The following RHOT2 variants were observed in gnomAD, a reference collection of about 807,000 sequenced individuals.
The protein encoded by RHOT2 is mitochondrial Rho GTPase 2.
RHOT2 carries 90 observed loss-of-function variants against 81.6 expected under a neutral mutation model. That is an observed-to-expected ratio of 1.10 (90% CI 0.93 to 1.31). The LOEUF (loss-of-function observed/expected upper bound fraction) is 1.31, where lower values mean the gene tolerates loss of function less well. Among genes scored for constraint, RHOT2 ranks in the 40% most tolerant of loss-of-function variants. The probability of loss-of-function intolerance (pLI) is 0.00; values close to 1 mark genes in which losing one functional copy is unlikely to be tolerated. For missense variants in RHOT2, 1,014 were observed against 841.9 expected (o/e 1.20, Z -2.53); for synonymous variants, 512 against 370.9 (o/e 1.38, Z -4.37).
intron 5 of RHOT2, chr16:669,853 C>A: frequency 1.6e-6 from 1 of 612,472 alleles, no homozygotes; most frequent in Non-Finnish European, 2.9e-6. Flanking sequence ...TCCAAACCCC[C>A]GGGGGGGGAC....
Position 670,782 on chromosome 16 carries a change from C to T in RHOT2, c.639+9C>T, listed in dbSNP as rs1567243766. 1.2e-6 allele frequency: 2 copies of T among 1,611,206 alleles called. No homozygotes were observed. Among genetic ancestry groups the T allele is most frequent in the African/African-American group, 1.3e-5 (1 of 75,062 alleles). On this transcript the variant is annotated intron_variant, in intron 9 of 18. Transcript: ENST00000315082. ...AGCTCAACGCTTTCCAGGTGTGCCC[C>T]TGCCCCACCCTCGGTGCCCAGCCCC...
chr16:669,031 A>G, intron 4 of RHOT2: 2 of 434,010 alleles, frequency 4.6e-6, no homozygotes, highest in Non-Finnish European at 8.2e-6. Context: ...GCCTCCGGGC[A>G]CCCGGAGCTC....
rs1024298416 is a variant in RHOT2, at chr16:671,934, C to T, written c.1029C>T (p.Pro343=). Residue 343 remains proline (P), a synonymous_variant, in exon 13 of 19, where the codon CCC becomes CCT. Coordinates refer to ENST00000315082, the MANE Select transcript of RHOT2 (RefSeq NM_138769.3). ...FSVFPAAPWG[P]ELPRTVRTEA... is the part of the protein sequence containing the mutation. ...TGTTCCCAGCAGCGCCCTGGGGCCC[C>T]GAGCTCCCACGCACAGTCCGCACAG... 3.7e-6 allele frequency: 6 copies of T among 1,612,206 alleles called. No homozygotes were observed. Among genetic ancestry groups the T allele is most frequent in the South Asian group, 2.2e-5 (2 of 91,058 alleles).
At chr16:669,777 T>A in intron 5 of RHOT2, 171 bp downstream of exon 5, 2 of 692,368 alleles carry the variant, frequency 2.9e-6, no homozygotes, top group Non-Finnish European at 2.5e-6. Flanking sequence ...CCACTTCCCC[T>A]GAGAGGGTCT....
rs73487487 is a variant in RHOT2 at position 672,688 on chromosome 16, C to T, written c.1405-15C>T. 5,602 of 1,611,852 alleles carry T rather than the reference C, an allele frequency of 3.5e-3. 154 individuals are homozygous for T. The African/African-American group carries it at 0.062, about 18-fold the overall frequency. On this transcript the variant is annotated splice_polypyrimidine_tract_variant and intron_variant, in intron 16 of 18. Coordinates refer to ENST00000315082, the MANE Select transcript of RHOT2 (RefSeq NM_138769.3). ...GAGCCCCAGGGACCCTTCCTAAGGC[C>T]GCTGTCTGTCCCAGCTCTGTGAGGT...
At chr16:671,668 G>A (rs1400495009) in intron 11 of RHOT2, 29 bp from the exon 12 acceptor site, 2 of 1,603,990 alleles carry the variant, frequency 1.2e-6, no homozygotes, top group East Asian at 2.2e-5. Flanking sequence ...AGTCTCCTGG[G>A]AGCTAGACGG....
chr16:669,855 G>A (rs1020880689), intron 5 of RHOT2: 4 of 617,126 alleles, frequency 6.5e-6, no homozygotes, highest in Admixed American at 2.9e-5. Context: ...CAAACCCCCG[G>A]GGGGGGACCC....
chr16:668,609 TCCGGCGGGCCTGCTGGGTCCGCAGTGGA>T lies in RHOT2; in HGVS notation c.178+41_179-19del. The T allele has an allele frequency of 3.1e-6, 5 of 1,608,650 alleles. No individual in the cohort carries two copies. Among genetic ancestry groups the T allele is most frequent in the Non-Finnish European group, 4.2e-6 (5 of 1,178,200 alleles). Reference sequence around the variant, plus strand: ...CTCCCGGGGGCCCGGCCCGCAGCGGTCCGGCGGGCCTGCTGGGTCCGCAGTGGAGTCTCTTTGTCCCCCTAGAAGCCGA... The same window carrying T: ...CTCCCGGGGGCCCGGCCCGCAGCGGTGTCTCTTTGTCCCCCTAGAAGCCGA... On this transcript the variant is annotated intron_variant, in intron 3 of 18. Transcript: ENST00000315082.
rs368693068 is a variant in RHOT2 at position 672,051 on chromosome 16, A to G, written c.1098-33A>G. 3 of 1,611,320 alleles carry G rather than the reference A, an allele frequency of 1.9e-6. No homozygotes were observed. The African/African-American group carries it at 4.0e-5, about 22-fold the overall frequency. On this transcript the variant is annotated intron_variant, in intron 13 of 18. Transcript: ENST00000315082. ...CGCCTGCCGCACCACCCTCCCCACC[A>G]TAACACTGTGCCTGCCTCCCGCCCA...
At chr16:669,527 C>T (rs760157082) in intron 4 of RHOT2, 26 bp from the exon 5 acceptor site, 4 of 1,609,804 alleles carry the variant, frequency 2.5e-6, no homozygotes, top group Non-Finnish European at 3.4e-6. Flanking sequence ...AGCCCTGTCA[C>T]CCACACCTCA....
In RHOT2 at chr16:671,177, G is replaced by T; in HGVS notation, c.843G>T (p.Glu281Asp). The T allele has an allele frequency of 2.5e-6, 4 of 1,576,386 alleles. No homozygotes were observed. The highest frequency in any genetic ancestry group is 3.4e-6 in the Non-Finnish European group (4 of 1,160,102). Residue 281 changes from glutamate (E) to aspartate (D), a missense_variant, in exon 11 of 19, where the codon GAG becomes GAT. Coordinates refer to ENST00000315082, the MANE Select transcript of RHOT2 (RefSeq NM_138769.3). ...GCTTCGGCTACAGCGATGCCCTGGA[G>T]CTGACTGCGGACTATCTCTCCCCTC... ...LRRFGYSDAL[E>D]LTADYLSPLI... is the part of the protein sequence containing the mutation.
At position 671,406 on chromosome 16, in the gene RHOT2, C is replaced by T. The variant is rs1201986955; in HGVS notation, c.869+203C>T. 3.5e-4 allele frequency: 64 copies of T among 182,040 alleles called. 1 individual carries two copies. The highest frequency in any genetic ancestry group is 2.2e-3 in the South Asian group (37 of 17,092). The allele number at this position is 182,040 out of a possible 1,614,324, so 11.3% of individuals were successfully genotyped here. On this transcript the variant is annotated intron_variant, in intron 11 of 18. Coordinates refer to ENST00000315082, the MANE Select transcript of RHOT2 (RefSeq NM_138769.3). ...CCTCAGCATCCACAGAGCTCTGAGTCGGGGGGTGGGGGGGCTGGCCCTTTG... is the reference window on the plus strand; with the variant it reads ...CCTCAGCATCCACAGAGCTCTGAGTTGGGGGGTGGGGGGGCTGGCCCTTTG...
In RHOT2 at chr16:671,112, C is replaced by T. The variant is rs200727165; in HGVS notation, c.778C>T (p.Gln260Ter). The T allele has an allele frequency of 7.5e-6, 12 of 1,608,938 alleles. No homozygotes were observed. The highest frequency in any genetic ancestry group is 6.7e-5 in the East Asian group (3 of 44,866). ...CCTCTTCCTGAACACGCTCTTCATC[C>T]AGCGCGGCCGGCACGAGACCACCTG... The part of the protein sequence containing the change: ...GFLFLNTLFI[Q>*]RGRHETTWTI... The change falls in exon 11 of 19, where the codon CAG becomes TAG. Residue 260 changes from glutamine to a stop codon, truncating the protein, a stop_gained. Transcript: ENST00000315082. LOFTEE classifies it high-confidence loss of function.
rs2039068745 is a variant in RHOT2 at position 672,168 on chromosome 16, C to T, written c.1182C>T (p.Ala394=). Residue 394 remains alanine, a synonymous_variant, in exon 14 of 19, where the codon GCC becomes GCT. Coordinates refer to ENST00000315082, the MANE Select transcript of RHOT2 (RefSeq NM_138769.3). ...GYPTLCEQDQ[A]HAITVTREKR... ...CCACCCTCTGTGAGCAGGACCAGGCCCATGCCATCACAGGTAGGCACCCAC... is the reference window on the plus strand; with the variant it reads ...CCACCCTCTGTGAGCAGGACCAGGCTCATGCCATCACAGGTAGGCACCCAC... The T allele has an allele frequency of 6.2e-7, 1 of 1,612,744 alleles. No individual in the cohort carries two copies. Among genetic ancestry groups the T allele is most frequent in the East Asian group, 2.2e-5 (1 of 44,864 alleles).
At chr16:669,267 T>G in intron 4 of RHOT2, 1 of 536,904 alleles carries the variant, frequency 1.9e-6, no homozygotes, top group South Asian at 2.1e-5. Flanking sequence ...CTGACCACAG[T>G]TATGCTTCTG....
At chr16:673,238 G>T in intron 18 of RHOT2, 108 bp downstream of exon 18, 1 of 1,349,270 alleles carries the variant, frequency 7.4e-7, no homozygotes, top group East Asian at 2.4e-5. Context: ...TCTGTCATCC[G>T]AGCAGTGGGC....
intron 4 of RHOT2, 51 bp from the exon 5 acceptor site, chr16:669,502 C>T (rs776105003): frequency 2.5e-5 from 39 of 1,590,012 alleles, no homozygotes; most frequent in Middle Eastern, 1.7e-4. Flanking sequence ...CCAGGGTCGT[C>T]GGTGGTGAGC....
At chr16:668,752 C>T in intron 4 of RHOT2, 53 bp downstream of exon 4, 2 of 1,533,132 alleles carry the variant, frequency 1.3e-6, no homozygotes, top group Non-Finnish European at 1.8e-6. Flanking sequence ...TCGGCCTAAT[C>T]CGCTTCGCAG....
intron 3 of RHOT2, 27 bp downstream of exon 3, chr16:668,596 CGGCCCGCAGCGGTCCGGCG>C (rs1567232702): frequency 6.2e-7 from 1 of 1,609,574 alleles, no homozygotes; most frequent in South Asian, 1.1e-5. Flanking sequence ...CCCGGGGGCC[CGGCCCGCAGCGGTCCGGCG>C]GGCCTGCTGG....
Sources: gnomAD v4.1 joint callset for allele counts on GRCh38, gnomAD v4.1.1 for gene constraint, MANE v1.5 for transcripts, NCBI Gene and HGNC (gene_info 2026-07-23, HGNC 2026-07-21) for gene names.